The following MELK variants were observed in gnomAD, a reference collection of about 807,000 sequenced individuals.
MELK encodes the protein maternal embryonic leucine zipper kinase.
A neutral mutation model predicts 85.0 loss-of-function variants in MELK; 81 were observed. That is an observed-to-expected ratio of 0.95 (90% CI 0.80 to 1.15). MELK has a LOEUF of 1.15. Among genes scored for constraint, MELK ranks in the 50% most tolerant of loss-of-function variants. MELK has a pLI of 0.00. For missense variants in MELK, 754 were observed against 777.5 expected, an observed-to-expected ratio of 0.97 and a Z score of 0.36; for synonymous variants, 252 against 265.0, an observed-to-expected ratio of 0.95 and a Z score of 0.48.
At chr9:36,590,709 C>T (rs1015314534) in intron 4 of MELK, among the ~76,000 whole-genome samples, 6 of 152,248 alleles carry the variant, frequency 3.9e-5, no homozygotes, top group Non-Finnish European at 8.8e-5. Flanking sequence ...CTTTAGTTTT[C>T]GTTAGTCTCA....
At chr9:36,590,302 A>T (rs1015784001) in intron 4 of MELK, among the ~76,000 whole-genome samples, 1 of 152,128 alleles carries the variant, frequency 6.6e-6, no homozygotes. Flanking sequence ...AAGCAACAGA[A>T]ACTCATTGTC....
chr9:36,596,573 TTTTTTTTG>T, intron 5 of MELK, among the ~76,000 whole-genome samples: 1 of 101,460 alleles, frequency 9.9e-6, no homozygotes, highest in Non-Finnish European at 1.8e-5. Context: ...GTTTTTTTTG[TTTTTTTTG>T]TTTTTTTTGT....
chr9:36,606,553 GGT>G (rs1564151923), intron 7 of MELK, among the ~76,000 whole-genome samples: 2 of 141,308 alleles, frequency 1.4e-5, no homozygotes, highest in African/African-American at 5.2e-5. Context: ...CATATGTATA[GGT>G]GTGTATATAA....
At position 36,671,091 on chromosome 9, in the gene MELK, G is replaced by A; in HGVS notation, c.1599G>A (p.Gly533=). 1 of 1,613,220 alleles carries A rather than the reference G, an allele frequency of 6.2e-7. No homozygotes were observed. Among genetic ancestry groups the A allele is most frequent in the Non-Finnish European group, 8.5e-7 (1 of 1,179,584 alleles). Residue 533 remains glycine (G), a synonymous_variant, in exon 16 of 18, where the codon GGG becomes GGA. Coordinates refer to ENST00000298048, the MANE Select transcript of MELK (RefSeq NM_014791.4). ...AAGTGTTTGGGAGCCTTGAAAGGGG[G>A]TTGGATAAGGTTATCACTGTGCTCA... ...GAKVFGSLER[G]LDKVITVLTR... is the part of the protein sequence containing the mutation.
intron 10 of MELK, among the ~76,000 whole-genome samples, chr9:36,633,874 T>C (rs1196234635): frequency 1.3e-5 from 2 of 152,214 alleles, no homozygotes; most frequent in African/African-American, 4.8e-5. Flanking sequence ...CTCACACAGA[T>C]ATGCAATAGG....
intron 4 of MELK, among the ~76,000 whole-genome samples, chr9:36,590,955 C>T (rs1007715398): frequency 6.6e-6 from 1 of 151,732 alleles, no homozygotes; most frequent in Non-Finnish European, 1.5e-5. Context: ...TGTGATGGCG[C>T]GTGGTGCGCA....
intron 8 of MELK, among the ~76,000 whole-genome samples, chr9:36,628,545 G>A (rs1313854225): frequency 1.3e-5 from 2 of 150,160 alleles, no homozygotes; most frequent in Admixed American, 1.3e-4. Context: ...TCAGCCTCCC[G>A]AGTAGCTGGG....
At chr9:36,650,301 T>A (rs1830592842) in intron 11 of MELK, among the ~76,000 whole-genome samples, 1 of 151,708 alleles carries the variant, frequency 6.6e-6, no homozygotes, top group African/African-American at 2.4e-5. Flanking sequence ...AGAGAAATAT[T>A]CCAGAACTGA....
At chr9:36,629,366 A>G (rs1327539109) in intron 8 of MELK, among the ~76,000 whole-genome samples, 2 of 152,188 alleles carry the variant, frequency 1.3e-5, no homozygotes, top group Non-Finnish European at 2.9e-5. Context: ...GAGATATTCT[A>G]TCATGTATTA....
At chr9:36,596,528 A>AT (rs1443571923) in intron 5 of MELK, among the ~76,000 whole-genome samples, 1 of 148,222 alleles carries the variant, frequency 6.7e-6, no homozygotes, top group African/African-American at 2.5e-5. Context: ...AAGTGCTGGG[A>AT]TTACAGGCGT....
At chr9:36,635,281 G>A (rs1217745896) in intron 10 of MELK, among the ~76,000 whole-genome samples, 1 of 134,526 alleles carries the variant, frequency 7.4e-6, no homozygotes, top group East Asian at 2.0e-4. Flanking sequence ...TTTTTTTTTT[G>A]AGTGGGAATC....
At chr9:36,604,801 G>A (rs888190543) in intron 7 of MELK, among the ~76,000 whole-genome samples, 2 of 151,864 alleles carry the variant, frequency 1.3e-5, no homozygotes, top group African/African-American at 4.8e-5. Context: ...GTACCACGCC[G>A]CCTGGCAAAT....
chr9:36,665,275 A>G, intron 13 of MELK, 75 bp from the exon 14 acceptor site: 1 of 860,852 alleles, frequency 1.2e-6, no homozygotes, highest in East Asian at 2.5e-5. Flanking sequence ...GTAGTTTGCA[A>G]ATGATCAAGG....
In MELK at chr9:36,671,175, G is replaced by A. The variant is rs756882428; in HGVS notation, c.1674+9G>A. 1.3e-6 allele frequency: 2 copies of A among 1,558,264 alleles called. No homozygotes were observed. The highest frequency in any genetic ancestry group is 2.5e-5 in the South Asian group (2 of 80,892). On this transcript the variant is annotated intron_variant, in intron 16 of 17. Transcript: ENST00000298048. ...GGCCCAGAAGACTAAAGGTAAGCAG[G>A]CTGGAATTCTTTCATATGGAGCAGA...
Position 36,581,629 on chromosome 9 carries a change from C to A in MELK, c.-38-15C>A. 3 of 1,252,412 alleles carry A rather than the reference C, an allele frequency of 2.4e-6. No individual in the cohort carries two copies. Among genetic ancestry groups the A allele is most frequent in the Non-Finnish European group, 3.5e-6 (3 of 858,540 alleles). 77.6% of individuals were successfully genotyped at this position (1,252,412 alleles called of 1,614,324 possible). A position where few individuals can be genotyped will look rare whatever the true frequency, so the allele number is the denominator to read the frequency against. On this transcript the variant is annotated splice_polypyrimidine_tract_variant and intron_variant, in intron 1 of 17. Coordinates refer to ENST00000298048, the MANE Select transcript of MELK (RefSeq NM_014791.4). The stretch of plus-strand genomic sequence containing the variant: ...TATTATTTCCTTTATTGATTATGTA[C>A]TCTCTGTCTTCTAGGTTCTTTTTCT...
At chr9:36,658,974 T>C (rs1277727165) in intron 13 of MELK, among the ~76,000 whole-genome samples, 1 of 150,712 alleles carries the variant, frequency 6.6e-6, no homozygotes, top group African/African-American at 2.4e-5. Context: ...CTCCGCCTCC[T>C]GGGTTCATGC....
At chr9:36,629,409 T>A (rs1252557594) in intron 8 of MELK, among the ~76,000 whole-genome samples, 2 of 152,210 alleles carry the variant, frequency 1.3e-5, no homozygotes, top group Non-Finnish European at 2.9e-5. Context: ...TTTTCTTTGA[T>A]GACTTGGTGG....
chr9:36,626,043 A>G (rs1432303682), intron 8 of MELK, among the ~76,000 whole-genome samples: 2 of 152,222 alleles, frequency 1.3e-5, no homozygotes, highest in Non-Finnish European at 2.9e-5. Context: ...GGTTAGAAAT[A>G]TAAGTGCAAG....
chr9:36,644,209 TTGTGTGTGTGTGTGTGTGTG>T (rs55796800), intron 11 of MELK, among the ~76,000 whole-genome samples: 49 of 145,414 alleles, frequency 3.4e-4, no homozygotes, highest in East Asian at 3.3e-3. Flanking sequence ...TACCTGTGTT[TTGTGTGTGTGTGTGTGTGTG>T]TGTGTGTGTG....
Sources: gnomAD v4.1 joint callset for allele counts (sites outside exome capture counted in the v4.1 genomes callset) on GRCh38, gnomAD v4.1.1 for gene constraint, MANE v1.5 for transcripts, NCBI Gene and HGNC (gene_info 2026-07-23, HGNC 2026-07-21) for gene names.